Variants in NEMF observed in about 807,000 individuals in gnomAD.
The protein encoded by NEMF is ribosome quality control complex subunit NEMF.
NEMF carries 89 observed loss-of-function variants against 162.2 expected under a neutral mutation model. The observed-to-expected ratio is 0.55, with a 90% CI of 0.46 to 0.65. The LOEUF is 0.65. Among genes scored for constraint, NEMF ranks in the 30% least tolerant of loss-of-function variants. The pLI is 0.00. For synonymous variants in NEMF, 421 were observed against 404.5 expected (o/e 1.04, Z -0.49); for missense variants, 1,133 against 1,261.9 (o/e 0.90, Z 1.55).
At chr14:49,840,133 C>A (rs1893122545) in intron 5 of NEMF, among the ~76,000 whole-genome samples, 1 of 152,008 alleles carries the variant, frequency 6.6e-6, no homozygotes, top group South Asian at 2.1e-4. Flanking sequence ...TGCACTCCAG[C>A]CTCAGGGAAG....
intron 26 of NEMF, among the ~76,000 whole-genome samples, chr14:49,792,271 C>T (rs1210517303): frequency 6.6e-6 from 1 of 152,162 alleles, no homozygotes; most frequent in Non-Finnish European, 1.5e-5. Context: ...GGCTGGAGTG[C>T]AGTGCATGAC....
chr14:49,783,968 A>ATT lies in NEMF; in HGVS notation c.*666_*667dup, dbSNP rs1365528199. ...TGTAGCTGGCCTATAATATATATATATTAGATGTTATATACAGTAGACTTA... is the reference window on the plus strand; with the variant it reads ...TGTAGCTGGCCTATAATATATATATATTTTAGATGTTATATACAGTAGACTTA... On this transcript the variant is annotated 3_prime_UTR_variant, in exon 33 of 33. Coordinates refer to ENST00000298310, the MANE Select transcript of NEMF (RefSeq NM_004713.6). The ATT allele has an allele frequency of 6.6e-6, 1 of 152,158 alleles. No individual in the cohort carries two copies. The highest frequency in any genetic ancestry group is 1.9e-4 in the East Asian group (1 of 5,202). The allele number at this position is 152,158 out of a possible 1,614,324, so 9.4% of individuals were successfully genotyped here.
At chr14:49,851,146 G>A (rs1456578699) in intron 3 of NEMF, among the ~76,000 whole-genome samples, 4 of 152,232 alleles carry the variant, frequency 2.6e-5, no homozygotes, top group African/African-American at 9.6e-5. Context: ...AGAGGTTGCA[G>A]TGAGCCAAGA....
rs143053731 is a variant in NEMF at position 49,786,060 on chromosome 14, C to G, written c.2928+658G>C. ...TTTCTCGTCCTGGGGAGATTCTGCC[C>G]TCAGAAGACAATGGGCAATGTCTAG... On this transcript the variant is annotated intron_variant, in intron 29 of 32. Transcript: ENST00000298310. The G allele has an allele frequency of 4.4e-4, 67 of 152,668 alleles. 2 individuals carry two copies. The East Asian group carries it at 9.1e-3, about 21-fold the overall frequency. The allele number at this position is 152,668 out of a possible 1,614,324, so 9.5% of individuals were successfully genotyped here.
At chr14:49,815,791 C>G (rs541060425) in intron 16 of NEMF, among the ~76,000 whole-genome samples, 1 of 151,890 alleles carries the variant, frequency 6.6e-6, no homozygotes, top group Non-Finnish European at 1.5e-5. Context: ...GGTGAAAACC[C>G]GTCTCTACTG....
In NEMF at chr14:49,795,840, T is replaced by A; in HGVS notation, c.2570A>T (p.Asn857Ile). ...CACAGCCGCAACATTTTTGCTTGTG[T>A]TCTGATGAGTTTCAATGTGTACAGT... Reference protein sequence around the residue: ...ESTVHIETHQNTSKNVAAVQP... With the variant: ...ESTVHIETHQITSKNVAAVQP... The change falls in exon 26 of 33, where the codon AAC becomes ATC. Residue 857 changes from asparagine to isoleucine, a missense_variant. Coordinates refer to ENST00000298310, the MANE Select transcript of NEMF (RefSeq NM_004713.6). 6.2e-7 allele frequency: 1 copy of A among 1,613,696 alleles called. No individual in the cohort carries two copies. The highest frequency in any genetic ancestry group is 8.5e-7 in the Non-Finnish European group (1 of 1,179,894).
chr14:49,804,527 C>T (rs950981545), intron 19 of NEMF, among the ~76,000 whole-genome samples: 24 of 151,752 alleles, frequency 1.6e-4, no homozygotes, highest in Non-Finnish European at 2.6e-4. Context: ...ATTAGCCAGG[C>T]GTGGTGGTGG....
intron 8 of NEMF, among the ~76,000 whole-genome samples, chr14:49,833,022 T>C (rs867806889): frequency 6.6e-6 from 1 of 152,280 alleles, no homozygotes; most frequent in East Asian, 1.9e-4. Context: ...TCCCAGCACT[T>C]TGGGAGGCCA....
chr14:49,814,043 A>AATGTCTCC lies in NEMF; in HGVS notation c.1682-1_1688dup (p.Ile563MetfsTer17). On this transcript the variant is annotated frameshift_variant, in exon 18 of 33. Transcript: ENST00000298310. LOFTEE classifies it high-confidence loss of function. ...CTCCATGAAGATCAGCATGTACATAAATGTCTCCTTAAATACAGACAAATA... is the reference window on the plus strand; with the variant it reads ...CTCCATGAAGATCAGCATGTACATAAATGTCTCCATGTCTCCTTAAATACAGACAAATA... The AATGTCTCC allele has an allele frequency of 6.5e-7, 1 of 1,530,138 alleles. No individual in the cohort carries two copies. The highest frequency in any genetic ancestry group is 1.7e-5 in the Admixed American group (1 of 59,780). 94.8% of individuals were successfully genotyped at this position (1,530,138 alleles called of 1,614,324 possible).
In NEMF at chr14:49,800,489, T is replaced by C. The variant is rs1434646863; in HGVS notation, c.2303A>G (p.Lys768Arg). 1 of 1,613,946 alleles carries C rather than the reference T, an allele frequency of 6.2e-7. No homozygotes were observed. Among genetic ancestry groups the C allele is most frequent in the Non-Finnish European group, 8.5e-7 (1 of 1,179,840 alleles). ...ATTTAATGTCTCTTCCCCTTCATCCTTCATTTCACCAACAGAATCCTGATC... is the reference window on the plus strand; with the variant it reads ...ATTTAATGTCTCTTCCCCTTCATCCCTCATTTCACCAACAGAATCCTGATC... ...RKDQDSVGEM[K>R]DEGEETLNYP... The change falls in exon 23 of 33, where the codon AAG (lysine) becomes AGG (arginine). Residue 768 changes from lysine to arginine, a missense_variant. Physicochemically the swap from Lys to Arg is conservative, Grantham distance 26 (BLOSUM62 2). Around this residue, in one of 3 missense-constraint regions of NEMF, gnomAD observed 532 missense variants for 578.6 expected, o/e 0.92. Transcript: ENST00000298310.
chr14:49,811,297 T>G (rs1891467448), intron 18 of NEMF, among the ~76,000 whole-genome samples: 1 of 152,252 alleles, frequency 6.6e-6, no homozygotes, highest in Non-Finnish European at 1.5e-5. Context: ...TGTTTACTGA[T>G]CTCATATCCT....
chr14:49,837,985 T>A (rs999451271), intron 6 of NEMF, among the ~76,000 whole-genome samples, 154 bp downstream of exon 6: 1 of 152,204 alleles, frequency 6.6e-6, no homozygotes, highest in Non-Finnish European at 1.5e-5. Flanking sequence ...TCAAACTTCA[T>A]GTGGTTTAAC....
intron 14 of NEMF, 58 bp downstream of exon 14, chr14:49,828,558 A>C: frequency 7.4e-7 from 1 of 1,351,344 alleles, no homozygotes; most frequent in Non-Finnish European, 1.0e-6. Context: ...AAATGTCCTT[A>C]ATTCCTTAAT....
chr14:49,844,905 A>G (rs1053152128), intron 4 of NEMF: 9 of 275,430 alleles, frequency 3.3e-5, no homozygotes, highest in African/African-American at 1.5e-4. Flanking sequence ...AGTAGCTGGG[A>G]CTACAGGCAC....
intron 18 of NEMF, among the ~76,000 whole-genome samples, chr14:49,808,094 TA>T (rs1891306179): frequency 6.6e-6 from 1 of 152,194 alleles, no homozygotes; most frequent in African/African-American, 2.4e-5. Flanking sequence ...TCATCAGATA[TA>T]TGATTTGCAA....
chr14:49,826,519 T>C (rs935041287), intron 15 of NEMF, among the ~76,000 whole-genome samples: 2 of 49,186 alleles, frequency 4.1e-5, no homozygotes, highest in African/African-American at 1.7e-4. Context: ...AGGCAAAGAA[T>C]AGGAAAAAGG....
At chr14:49,817,118 A>G (rs1343422267) in intron 16 of NEMF, among the ~76,000 whole-genome samples, 1 of 152,196 alleles carries the variant, frequency 6.6e-6, no homozygotes, top group African/African-American at 2.4e-5. Context: ...CTCCTTTAAA[A>G]TATAAGGATG....
chr14:49,820,944 G>A (rs1218018119), intron 16 of NEMF, among the ~76,000 whole-genome samples: 7 of 150,500 alleles, frequency 4.7e-5, no homozygotes, highest in African/African-American at 7.3e-5. Flanking sequence ...AGTGAGGAGC[G>A]CCTCTTCCCG....
chr14:49,792,142 A>T (rs1191126711), intron 26 of NEMF, among the ~76,000 whole-genome samples: 1 of 141,716 alleles, frequency 7.1e-6, no homozygotes, highest in Non-Finnish European at 1.6e-5. Flanking sequence ...GACCCAGTCT[A>T]AAAAAAAAAA....
Sources: allele counts gnomAD v4.1 joint callset (sites outside exome capture counted in the v4.1 genomes callset), GRCh38; gene constraint gnomAD v4.1.1; regional missense constraint gnomAD v4.1.1; transcripts MANE v1.5; gene names NCBI Gene and HGNC (gene_info 2026-07-23, HGNC 2026-07-21).